Variants in DGUOK observed in about 807,000 individuals in gnomAD.
The protein encoded by DGUOK is deoxyguanosine kinase.
DGUOK carries 30 observed loss-of-function variants against 36.6 expected under a neutral mutation model. The ratio of observed to expected loss-of-function variants is 0.82; its 90% CI spans 0.61 to 1.11. The LOEUF is 1.11. Among genes scored for constraint, DGUOK ranks in the 50% most tolerant of loss-of-function variants. DGUOK has a pLI of 0.00. For synonymous variants in DGUOK, 145 were observed against 126.3 expected (o/e 1.15, Z -0.99); for missense variants, 361 against 336.4 (o/e 1.07, Z -0.57).
chr2:73,950,877 C>T (rs1403567780), intron 4 of DGUOK, 145 bp downstream of exon 4: 18 of 1,113,986 alleles, frequency 1.6e-5, no homozygotes, highest in Non-Finnish European at 2.4e-5. Context: ...ACCCTCCTGT[C>T]CCAGCGTTGA....
intron 1 of DGUOK, among the ~76,000 whole-genome samples, chr2:73,935,915 T>A (rs1047272721): frequency 6.6e-6 from 1 of 152,222 alleles, no homozygotes; most frequent in Non-Finnish European, 1.5e-5. Flanking sequence ...ATGAGTCAAT[T>A]TCTTGGAGTC....
intron 1 of DGUOK, among the ~76,000 whole-genome samples, chr2:73,928,277 G>A (rs542491770): frequency 7.2e-5 from 11 of 152,078 alleles, no homozygotes; most frequent in African/African-American, 1.2e-4. Flanking sequence ...AGGGGCACCC[G>A]CCACCACACC....
chr2:73,950,672 G>A lies in DGUOK; in HGVS notation c.531G>A (p.Leu177=). 1.2e-6 allele frequency: 2 copies of A among 1,614,114 alleles called. No homozygotes were observed. Among genetic ancestry groups the A allele is most frequent in the Non-Finnish European group, 1.7e-6 (2 of 1,180,014 alleles). Residue 177 remains leucine (L), a synonymous_variant, in exon 4 of 7, where the codon CTG becomes CTA. Coordinates refer to ENST00000264093, the MANE Select transcript of DGUOK (RefSeq NM_080916.3). The part of the protein sequence containing the change: ...HIYQDWHSFL[L]WEFASRITLH... ...ATCAGGACTGGCATTCTTTTCTCCT[G>A]TGGGAGTTTGCCAGCCGGATCACAT... is the stretch of plus-strand genomic sequence containing the variant.
At chr2:73,953,712 C>T (rs904043030) in intron 4 of DGUOK, among the ~76,000 whole-genome samples, 1 of 142,386 alleles carries the variant, frequency 7.0e-6, no homozygotes, top group Non-Finnish European at 1.5e-5. Flanking sequence ...CTATTCTTCC[C>T]TAACTTCTTT....
rs863223947 is a variant in DGUOK, at chr2:73,958,717, C to G, written c.815C>G (p.Thr272Ser). The change falls in exon 7 of 7, where the codon ACC (threonine) becomes AGC (serine). Residue 272 changes from threonine (T) to serine (S), a missense_variant. Physicochemically the swap from Thr to Ser is moderately conservative, Grantham distance 58 (BLOSUM62 1). Transcript: ENST00000264093. ...ATTTTCTCCTTCCCACAGGTAAACA[C>G]CTTTGTAAAGAATCTGTAACCAATA... is the stretch of plus-strand genomic sequence containing the variant. ...KQEDLMREVN[T>S]FVKNL The G allele has an allele frequency of 6.2e-7, 1 of 1,611,988 alleles. No individual in the cohort carries two copies. The highest frequency in any genetic ancestry group is 2.2e-5 in the East Asian group (1 of 44,876).
intron 1 of DGUOK, among the ~76,000 whole-genome samples, chr2:73,932,324 A>G (rs1351159666): frequency 6.6e-6 from 1 of 152,186 alleles, no homozygotes; most frequent in Non-Finnish European, 1.5e-5. Flanking sequence ...CTGTGGGCTG[A>G]CATAACATTT....
At chr2:73,932,121 T>C (rs982039091) in intron 1 of DGUOK, among the ~76,000 whole-genome samples, 21 of 152,114 alleles carry the variant, frequency 1.4e-4, no homozygotes, top group South Asian at 2.1e-4. Context: ...ATTTCAGATG[T>C]GGAAGTTGTT....
intron 4 of DGUOK, among the ~76,000 whole-genome samples, 174 bp from the exon 5 acceptor site, chr2:73,956,951 G>C (rs538412548): frequency 2.0e-5 from 3 of 152,154 alleles, no homozygotes; most frequent in Non-Finnish European, 4.4e-5. Flanking sequence ...GGTGGAGATG[G>C]GAAAAGAATG....
At chr2:73,949,566 T>G (rs1462737028) in intron 3 of DGUOK, among the ~76,000 whole-genome samples, 1 of 152,208 alleles carries the variant, frequency 6.6e-6, no homozygotes, top group East Asian at 1.9e-4. Context: ...ACATAGCTAG[T>G]GAATGTTTCA....
chr2:73,927,153 C>G, intron 1 of DGUOK, 101 bp downstream of exon 1: 1 of 1,524,640 alleles, frequency 6.6e-7, no homozygotes, highest in Non-Finnish European at 8.9e-7. Context: ...CTGATGCGGC[C>G]GGCCTCTTTT....
chr2:73,954,906 G>A (rs976559039), intron 4 of DGUOK, among the ~76,000 whole-genome samples: 1 of 152,180 alleles, frequency 6.6e-6, no homozygotes, highest in Admixed American at 6.5e-5. Context: ...TGAGGACTGA[G>A]ATGAAGAGGG....
At chr2:73,934,863 A>G (rs369421573) in intron 1 of DGUOK, among the ~76,000 whole-genome samples, 7 of 152,200 alleles carry the variant, frequency 4.6e-5, no homozygotes, top group African/African-American at 1.7e-4. Flanking sequence ...GCTTGAACTC[A>G]GGAGTTTGAG....
intron 4 of DGUOK, 106 bp downstream of exon 4, chr2:73,950,838 T>A: frequency 6.9e-7 from 1 of 1,451,226 alleles, no homozygotes; most frequent in Non-Finnish European, 9.7e-7. Flanking sequence ...GCGTAGACAT[T>A]ACCTGCAGCA....
At chr2:73,946,272 T>A (rs1682298412) in intron 2 of DGUOK, among the ~76,000 whole-genome samples, 2 of 152,220 alleles carry the variant, frequency 1.3e-5, no homozygotes, top group Admixed American at 1.3e-4. Flanking sequence ...CTTTCTGGTT[T>A]GCCTTGACAT....
At position 73,958,895 on chromosome 2, in the gene DGUOK, ATTG is replaced by A; in HGVS notation, c.*162_*164del. On this transcript the variant is annotated 3_prime_UTR_variant, in exon 7 of 7. Coordinates refer to ENST00000264093, the MANE Select transcript of DGUOK (RefSeq NM_080916.3). ...TTGTTAATTATTGTTAGACTTTGCCATTGTTTTCTTTTGTACCTGAAGCATTTT... is the reference window on the plus strand; with the variant it reads ...TTGTTAATTATTGTTAGACTTTGCCATTTTCTTTTGTACCTGAAGCATTTT... The A allele has an allele frequency of 1.5e-6, 1 of 666,184 alleles. No homozygotes were observed. The highest frequency in any genetic ancestry group is 2.7e-6 in the Non-Finnish European group (1 of 370,760). The allele number at this position is 666,184 out of a possible 1,614,324, so 41.3% of individuals were successfully genotyped here.
chr2:73,927,956 T>A (rs1239339727), intron 1 of DGUOK, among the ~76,000 whole-genome samples: 1 of 152,168 alleles, frequency 6.6e-6, no homozygotes, highest in Non-Finnish European at 1.5e-5. Context: ...CCAGCACTGT[T>A]CTTGGCCTGG....
intron 4 of DGUOK, among the ~76,000 whole-genome samples, chr2:73,954,212 G>A (rs917905599): frequency 2.6e-5 from 4 of 152,064 alleles, no homozygotes; most frequent in Non-Finnish European, 5.9e-5. Flanking sequence ...CAAGCATGGT[G>A]GTGTGTCTGT....
At chr2:73,954,789 GTTC>G (rs1469452687) in intron 4 of DGUOK, among the ~76,000 whole-genome samples, 3 of 152,174 alleles carry the variant, frequency 2.0e-5, no homozygotes, top group African/African-American at 4.8e-5. Context: ...CAGAGCAGCA[GTTC>G]TTCTTCCTGG....
intron 1 of DGUOK, chr2:73,932,507 A>G (rs1416020247): frequency 1.5e-6 from 1 of 689,640 alleles, no homozygotes; most frequent in African/African-American, 1.9e-5. Context: ...CTGTGCTATG[A>G]TATCCATGTG....
Sources: allele counts gnomAD v4.1 joint callset (sites outside exome capture counted in the v4.1 genomes callset), GRCh38; gene constraint gnomAD v4.1.1; transcripts MANE v1.5; gene names NCBI Gene and HGNC (gene_info 2026-07-23, HGNC 2026-07-21).